HS3ST4: variants seen among roughly 807,000 people sequenced by gnomAD.
HS3ST4 encodes heparan sulfate-glucosamine 3-sulfotransferase 4, also known as heparan sulfate glucosamine 3-O-sulfotransferase 4.
In HS3ST4, 17 loss-of-function variants were observed where a neutral mutation model predicts 29.2. The observed-to-expected ratio is 0.58, with a 90% CI of 0.40 to 0.87. HS3ST4 has a LOEUF of 0.87. Ranked by LOEUF, HS3ST4 falls within the 40% of genes least tolerant of loss-of-function variation. The pLI is 0.00. For synonymous variants in HS3ST4, 314 were observed against 285.7 expected, an observed-to-expected ratio of 1.10 and a Z score of -1.00; for missense variants, 627 against 634.5, an observed-to-expected ratio of 0.99 and a Z score of 0.13.
chr16:25,873,459 TACCCACCC>T (rs1439826463), intron 1 of HS3ST4, among the ~76,000 whole-genome samples: 31 of 122,760 alleles, frequency 2.5e-4, no homozygotes, highest in African/African-American at 8.7e-4. Flanking sequence ...CCCATCCATT[TACCCACCC>T]ATCCATCTAT....
At chr16:25,730,060 G>T (rs959858027) in intron 1 of HS3ST4, among the ~76,000 whole-genome samples, 2 of 152,150 alleles carry the variant, frequency 1.3e-5, no homozygotes, top group Admixed American at 6.5e-5. Flanking sequence ...TTTGAAACTG[G>T]ATGGTTTTAT....
intron 1 of HS3ST4, among the ~76,000 whole-genome samples, chr16:25,967,067 G>A (rs760202944): frequency 2.6e-5 from 4 of 152,228 alleles, no homozygotes; most frequent in Admixed American, 2.6e-4. Context: ...GCCCTCTGAG[G>A]TGTAAGAAAC....
At chr16:25,920,599 C>G (rs1451498457) in intron 1 of HS3ST4, among the ~76,000 whole-genome samples, 1 of 127,754 alleles carries the variant, frequency 7.8e-6, no homozygotes, top group Admixed American at 7.8e-5. Context: ...CACTGCCGCC[C>G]CCACCCCTCT....
chr16:25,927,467 T>A (rs1968416191), intron 1 of HS3ST4, among the ~76,000 whole-genome samples: 1 of 152,240 alleles, frequency 6.6e-6, no homozygotes, highest in African/African-American at 2.4e-5. Flanking sequence ...CTAACTCTTC[T>A]GCCTGCATTC....
intron 1 of HS3ST4, among the ~76,000 whole-genome samples, chr16:26,012,711 T>C (rs923514387): frequency 3.3e-5 from 5 of 152,340 alleles, no homozygotes; most frequent in Middle Eastern, 3.4e-3. Flanking sequence ...CCACATTCTT[T>C]ATATTCTCAG....
At chr16:26,082,499 C>T (rs906182701) in intron 1 of HS3ST4, among the ~76,000 whole-genome samples, 4 of 152,172 alleles carry the variant, frequency 2.6e-5, no homozygotes, top group Non-Finnish European at 5.9e-5. Flanking sequence ...CACTTGGGCA[C>T]ATTACCTAAC....
At chr16:26,108,386 G>A (rs1289798605) in intron 1 of HS3ST4, among the ~76,000 whole-genome samples, 1 of 152,156 alleles carries the variant, frequency 6.6e-6, no homozygotes, top group Non-Finnish European at 1.5e-5. Context: ...GGAATTAAAG[G>A]ATTTGTTGCC....
At chr16:26,086,444 A>G (rs908226988) in intron 1 of HS3ST4, among the ~76,000 whole-genome samples, 2 of 151,632 alleles carry the variant, frequency 1.3e-5, no homozygotes, top group East Asian at 2.0e-4. Context: ...CCGCCTCCCA[A>G]GTTCATGCCA....
At chr16:25,800,064 GCCTTCCTTCCTTCCTT>G (rs375409683) in intron 1 of HS3ST4, among the ~76,000 whole-genome samples, 46 of 147,754 alleles carry the variant, frequency 3.1e-4, no homozygotes, top group Non-Finnish European at 4.8e-4. Context: ...TTGCCTTCCT[GCCTTCCTTCCTTCCTT>G]CCTTCCTTCC....
intron 1 of HS3ST4, among the ~76,000 whole-genome samples, chr16:26,019,596 A>G (rs1354549541): frequency 6.6e-6 from 1 of 152,080 alleles, no homozygotes. Context: ...CTGGCAATGG[A>G]TTGGAAACAC....
chr16:25,759,297 C>G (rs1295215923), intron 1 of HS3ST4, among the ~76,000 whole-genome samples: 2 of 152,258 alleles, frequency 1.3e-5, no homozygotes, highest in African/African-American at 4.8e-5. Flanking sequence ...CTAGCTTAAT[C>G]TTCCCAATAG....
chr16:25,862,728 G>A (rs1190809284), intron 1 of HS3ST4, among the ~76,000 whole-genome samples: 1 of 152,252 alleles, frequency 6.6e-6, no homozygotes, highest in Non-Finnish European at 1.5e-5. Flanking sequence ...ACAATTATGA[G>A]TGATGTAGCT....
At chr16:25,770,534 T>C (rs1304120631) in intron 1 of HS3ST4, among the ~76,000 whole-genome samples, 1 of 152,092 alleles carries the variant, frequency 6.6e-6, no homozygotes, top group Non-Finnish European at 1.5e-5. Flanking sequence ...GCTCACTCTT[T>C]TAAGCCTAAC....
chr16:25,945,322 ATTT>A (rs1968614445), intron 1 of HS3ST4, among the ~76,000 whole-genome samples: 1 of 152,164 alleles, frequency 6.6e-6, no homozygotes, highest in South Asian at 2.1e-4. Context: ...TCTTGGAAGT[ATTT>A]ACATGTTAAT....
At chr16:25,807,451 A>C (rs1596576911) in intron 1 of HS3ST4, among the ~76,000 whole-genome samples, 1 of 152,152 alleles carries the variant, frequency 6.6e-6, no homozygotes. Flanking sequence ...ATTCAACATG[A>C]TTCCCTGGTG....
chr16:25,806,318 A>T (rs189933109), intron 1 of HS3ST4, among the ~76,000 whole-genome samples: 3 of 151,942 alleles, frequency 2.0e-5, no homozygotes, highest in East Asian at 1.9e-4. Context: ...TGTGAGTGCA[A>T]GCGTGTGTGT....
chr16:26,003,657 A>AC (rs1371885516), intron 1 of HS3ST4, among the ~76,000 whole-genome samples: 1 of 152,112 alleles, frequency 6.6e-6, no homozygotes, highest in East Asian at 1.9e-4. Context: ...TTAAAGAGCT[A>AC]CCCCTGAACT....
In HS3ST4 at chr16:25,866,371, C is replaced by T. The variant is rs145714909; in HGVS notation, c.734+173220C>T. On this transcript the variant is annotated intron_variant, in intron 1 of 1. Transcript: ENST00000331351. ...CTATTAAAAACAGCATTTATTGCAG[C>T]ACTATTCACAATAGGAAAGACTTGG... 1.6e-4 allele frequency among the ~76,000 whole-genome samples: 24 copies of T among 152,232 alleles called. No homozygotes were observed. In the East Asian group the frequency reaches 4.6e-3, roughly 29 times the overall value.
intron 1 of HS3ST4, among the ~76,000 whole-genome samples, chr16:25,969,545 A>G (rs1968876268): frequency 6.6e-6 from 1 of 152,214 alleles, no homozygotes; most frequent in African/African-American, 2.4e-5. Flanking sequence ...ACTGGGCTGT[A>G]GACCTTTACT....
Sources: gnomAD v4.1 joint callset for allele counts (sites outside exome capture counted in the v4.1 genomes callset) on GRCh38, gnomAD v4.1.1 for gene constraint, MANE v1.5 for transcripts, NCBI Gene and HGNC (gene_info 2026-07-23, HGNC 2026-07-21) for gene names.